RBFOX1: variants seen among roughly 807,000 people sequenced by gnomAD.
RBFOX1 encodes the protein RNA binding fox-1 homolog 1.
RBFOX1 carries 8 observed loss-of-function variants against 57.7 expected under a neutral mutation model. The observed-to-expected ratio is 0.14, with a 90% CI of 0.08 to 0.25. The LOEUF is 0.25. RBFOX1 is among the 10% of genes least tolerant of loss of function. RBFOX1 has a pLI of 1.00. For synonymous variants in RBFOX1, 326 were observed against 222.4 expected (o/e 1.47, Z -4.15); for missense variants, 611 against 548.5 (o/e 1.11, Z -1.14).
chr16:7,632,842 C>G (rs1048492716), intron 11 of RBFOX1, among the ~76,000 whole-genome samples: 9 of 152,138 alleles, frequency 5.9e-5, no homozygotes, highest in South Asian at 2.1e-4. Context: ...CAGTATGGCT[C>G]TATATGATGA....
chr16:7,607,193 A>G, intron 9 of RBFOX1, 92 bp from the exon 10 acceptor site: 1 of 1,158,224 alleles, frequency 8.6e-7, no homozygotes, highest in Non-Finnish European at 1.2e-6. Context: ...ACAAAATGAG[A>G]TACTTTAACC....
rs186106737 is a variant in RBFOX1 at position 7,207,892 on chromosome 16, G to A, written c.27+155794G>A. On this transcript the variant is annotated intron_variant, in intron 4 of 15. Coordinates refer to ENST00000550418, the MANE Select transcript of RBFOX1 (RefSeq NM_018723.4). ...TAAGGAGAAGATAAATGGTGACAGT[G>A]AGAGTTGAACTCCACAGGGTGCATC... 8.5e-4 allele frequency among the ~76,000 whole-genome samples: 129 copies of A among 152,276 alleles called. 1 individual carries two copies. The highest frequency in any genetic ancestry group is 3.4e-3 in the Middle Eastern group (1 of 294).
chr16:7,327,466 C>A (rs1884633240), intron 4 of RBFOX1, among the ~76,000 whole-genome samples: 2 of 152,198 alleles, frequency 1.3e-5, no homozygotes. Flanking sequence ...TGAGTAATTA[C>A]ATAATCTGCA....
At chr16:6,251,704 A>C (rs2152947111) in intron 1 of RBFOX1, among the ~76,000 whole-genome samples, 1 of 152,190 alleles carries the variant, frequency 6.6e-6, no homozygotes, top group South Asian at 2.1e-4. Flanking sequence ...GAACAACCAA[A>C]TTACAAATTA....
At chr16:5,279,295 G>A (rs1304343052) in intron 1 of RBFOX1, among the ~76,000 whole-genome samples, 1 of 151,494 alleles carries the variant, frequency 6.6e-6, no homozygotes, top group Non-Finnish European at 1.5e-5. Context: ...GAGGTTTTTT[G>A]TTTTTGTTTT....
At chr16:6,869,185 C>G (rs2060447851) in intron 3 of RBFOX1, among the ~76,000 whole-genome samples, 2 of 152,184 alleles carry the variant, frequency 1.3e-5, no homozygotes, top group East Asian at 1.9e-4. Flanking sequence ...TTTGCACGCT[C>G]ATCTCTTCCT....
intron 6 of RBFOX1, among the ~76,000 whole-genome samples, chr16:7,584,059 T>C (rs1273736868): frequency 1.3e-5 from 2 of 152,196 alleles, no homozygotes; most frequent in Admixed American, 6.5e-5. Context: ...AGACAGGGCA[T>C]GGTACCTTCT....
intron 4 of RBFOX1, among the ~76,000 whole-genome samples, chr16:5,892,103 A>G (rs1597665143): frequency 6.6e-6 from 1 of 152,184 alleles, no homozygotes; most frequent in Non-Finnish European, 1.5e-5. Flanking sequence ...TACGGCACTT[A>G]TATTCTAGCA....
rs1161650802 is a variant in RBFOX1, at chr16:6,953,120, T to C, written c.-15-98937T>C. On this transcript the variant is annotated intron_variant, in intron 3 of 15. Transcript: ENST00000550418. The stretch of plus-strand genomic sequence containing the variant: ...GAAGGCTTGAAGGTCTGCGACTGAG[T>C]AGAACTTAGGTGTATGTATGCCTCT... Among the ~76,000 whole-genome samples, 3 of 152,028 alleles carry C rather than the reference T, an allele frequency of 2.0e-5. No homozygotes were observed. The East Asian group carries it at 5.8e-4, about 29-fold the overall frequency.
chr16:6,437,672 T>A, intron 2 of RBFOX1, among the ~76,000 whole-genome samples: 1 of 152,194 alleles, frequency 6.6e-6, no homozygotes, highest in East Asian at 1.9e-4. Flanking sequence ...ATAGGAGGCA[T>A]GGCTGGGAGG....
At chr16:7,165,521 C>T (rs1257903447) in intron 4 of RBFOX1, among the ~76,000 whole-genome samples, 1 of 151,762 alleles carries the variant, frequency 6.6e-6, no homozygotes, top group South Asian at 2.1e-4. Flanking sequence ...CCTCCACCTC[C>T]TGGAATCAAG....
intron 2 of RBFOX1, among the ~76,000 whole-genome samples, chr16:6,511,510 G>C (rs948212893): frequency 1.7e-4 from 26 of 152,176 alleles, no homozygotes; most frequent in African/African-American, 6.0e-4. Context: ...TTTCATGTCT[G>C]CAGAGACAAG....
intron 2 of RBFOX1, among the ~76,000 whole-genome samples, chr16:6,548,440 C>A (rs536355754): frequency 1.2e-4 from 19 of 152,152 alleles, no homozygotes; most frequent in Non-Finnish European, 2.2e-4. Context: ...GAAGGCACAA[C>A]CAGCATAGAA....
At chr16:7,469,199 G>C (rs1454620359) in intron 4 of RBFOX1, among the ~76,000 whole-genome samples, 1 of 151,066 alleles carries the variant, frequency 6.6e-6, no homozygotes, top group African/African-American at 2.4e-5. Flanking sequence ...CTCCCAAAAT[G>C]CTGGGATTAC....
intron 4 of RBFOX1, among the ~76,000 whole-genome samples, chr16:7,330,862 C>G (rs571322356): frequency 1.3e-5 from 2 of 152,252 alleles, no homozygotes; most frequent in African/African-American, 2.4e-5. Context: ...GGGAGAGACA[C>G]GTCCGTCTCA....
chr16:5,878,801 A>T (rs1048085554), intron 4 of RBFOX1, among the ~76,000 whole-genome samples: 4 of 152,212 alleles, frequency 2.6e-5, no homozygotes, highest in Admixed American at 2.0e-4. Flanking sequence ...TAAACTAAAA[A>T]AACTAAAAAT....
chr16:5,912,304 G>C (rs181534209), intron 4 of RBFOX1, among the ~76,000 whole-genome samples: 97 of 152,302 alleles, frequency 6.4e-4, no homozygotes, highest in African/African-American at 2.3e-3. Flanking sequence ...CCGTATCATT[G>C]ACACATAATA....
At chr16:7,709,447 CTTTTTT>C (rs75160475) in intron 15 of RBFOX1, 2 of 1,309,536 alleles carry the variant, frequency 1.5e-6, no homozygotes, top group African/African-American at 1.5e-5. Flanking sequence ...CAATGCAGAA[CTTTTTT>C]TTTTCTTTTT....
chr16:7,601,288 C>T (rs989552626), intron 9 of RBFOX1, among the ~76,000 whole-genome samples: 1 of 152,198 alleles, frequency 6.6e-6, no homozygotes, highest in African/African-American at 2.4e-5. Flanking sequence ...ATGATGGGAA[C>T]TACATCACAG....
Sources: allele counts gnomAD v4.1 joint callset (sites outside exome capture counted in the v4.1 genomes callset), GRCh38; gene constraint gnomAD v4.1.1; transcripts MANE v1.5; gene names NCBI Gene and HGNC (gene_info 2026-07-23, HGNC 2026-07-21).